The following WDR33 variants were observed in gnomAD, a reference collection of about 807,000 sequenced individuals.
WDR33 encodes the protein WD repeat domain 33.
Under a neutral mutation model 164.9 loss-of-function variants are expected in WDR33, and 47 were observed. That is an observed-to-expected ratio of 0.29 (90% CI 0.23 to 0.36). WDR33 has a LOEUF of 0.36. WDR33 is among the 10% of genes least tolerant of loss of function. WDR33 has a pLI of 1.00. For missense variants in WDR33, 1,137 were observed against 1,754.1 expected (o/e 0.65, Z 6.28); for synonymous variants, 505 against 589.0 (o/e 0.86, Z 2.06).
rs746385566 is a variant in WDR33, at chr2:127,764,794, A to T, written c.626+34T>A. On this transcript the variant is annotated intron_variant, in intron 6 of 21. Transcript: ENST00000322313. This position sits in a 1 kb window ranked among gnomAD's most constrained non-coding sequence, Gnocchi z 6.2. ...TAGAGAATAATTTAACCATGACAAT[A>T]GGGACTACAGAAAATGGTATATTGT... 1.9e-6 allele frequency: 3 copies of T among 1,614,232 alleles called. No individual in the cohort carries two copies. The East Asian group carries it at 6.7e-5, about 36-fold the overall frequency.
At position 127,702,055 on chromosome 2, in the gene WDR33, AGGT is replaced by A. The variant is rs1685905332; in HGVS notation, c.*4265_*4267del. On this transcript the variant is annotated 3_prime_UTR_variant, in exon 22 of 22. Coordinates refer to ENST00000322313, the MANE Select transcript of WDR33 (RefSeq NM_018383.5). ...CTCACGGTGCTGGGCGCGGGCGCGCAGGTGGCCGCGCTGCTGGCCGCGCTGGTT... is the reference window on the plus strand; with the variant it reads ...CTCACGGTGCTGGGCGCGGGCGCGCAGGCCGCGCTGCTGGCCGCGCTGGTT... The A allele has an allele frequency of 1.2e-5, 15 of 1,225,380 alleles. No individual in the cohort carries two copies. The highest frequency in any genetic ancestry group is 1.4e-5 in the Non-Finnish European group (14 of 985,654). The allele number at this position is 1,225,380 out of a possible 1,614,324, so 75.9% of individuals were successfully genotyped here. A position where few individuals can be genotyped will look rare whatever the true frequency, so the allele number is the denominator to read the frequency against.
chr2:127,729,758 G>A (rs1162009941), intron 7 of WDR33, among the ~76,000 whole-genome samples: 1 of 152,198 alleles, frequency 6.6e-6, no homozygotes, highest in Non-Finnish European at 1.5e-5. Context: ...GCCTCCCAAA[G>A]TGTTGGGATT....
At position 127,720,452 on chromosome 2, in the gene WDR33, C is replaced by T. The variant is rs1336855886; in HGVS notation, c.1672-99G>A. On this transcript the variant is annotated intron_variant, in intron 15 of 21. Transcript: ENST00000322313. The surrounding 1 kb of genome is among the most constrained non-coding windows in gnomAD (Gnocchi z 5.9). ...TGTATTCTGTTAGGGGACTCTCAAA[C>T]ATAAAAACTGCTCAAACTCTTCACG... The T allele has an allele frequency of 2.1e-5, 29 of 1,380,566 alleles. No individual in the cohort carries two copies. Among genetic ancestry groups the T allele is most frequent in the Non-Finnish European group, 2.6e-5 (28 of 1,058,030 alleles). 85.5% of individuals were successfully genotyped at this position (1,380,566 alleles called of 1,614,324 possible). A position where few individuals can be genotyped will look rare whatever the true frequency, so the allele number is the denominator to read the frequency against.
In WDR33 at chr2:127,741,491, C is replaced by T. The variant is rs1036887283; in HGVS notation, c.725-14714G>A. Among the ~76,000 whole-genome samples the T allele has an allele frequency of 5.3e-5, 8 of 152,160 alleles. No individual in the cohort carries two copies. The highest frequency in any genetic ancestry group is 1.2e-4 in the African/African-American group (5 of 41,428). ...TTCATTAAACACACACAAACATGCA[C>T]GTGTGTACACATGTACAAGCACACA... On this transcript the variant is annotated intron_variant, in intron 7 of 21. Transcript: ENST00000322313. The surrounding 1 kb of genome is among the most constrained non-coding windows in gnomAD (Gnocchi z 4.1).
At chr2:127,804,234 T>C (rs1165973844) in intron 1 of WDR33, among the ~76,000 whole-genome samples, 1 of 151,990 alleles carries the variant, frequency 6.6e-6, no homozygotes, top group Non-Finnish European at 1.5e-5. Flanking sequence ...GGCAGGAGAA[T>C]GGCGTGAACC....
At chr2:127,759,410 G>A (rs1034525861) in intron 7 of WDR33, among the ~76,000 whole-genome samples, 38 of 152,120 alleles carry the variant, frequency 2.5e-4, no homozygotes, top group African/African-American at 8.7e-4. Flanking sequence ...GCAACTACAG[G>A]CCAGGCACGG....
Position 127,725,213 on chromosome 2 carries a change from T to C in WDR33, c.854A>G (p.His285Arg). Residue 285 changes from histidine (H) to arginine (R), a missense_variant and splice_region_variant, in exon 9 of 22, where the codon CAT (histidine) becomes CGT (arginine). By Grantham distance (29) the His-to-Arg change is conservative (BLOSUM62 0). Around this residue, in one of 9 missense-constraint regions of WDR33, gnomAD observed 83 missense variants for 189.2 expected, o/e 0.44. Transcript: ENST00000322313. The stretch of plus-strand genomic sequence containing the variant: ...TTCCATTACTGTGTTTTTATGGGCA[T>C]GACTAGAAACAAAGTATCAAAAAAA... ...PKTGQSLATL[H>R]AHKNTVMEVK... The C allele has an allele frequency of 6.3e-7, 1 of 1,592,276 alleles. No individual in the cohort carries two copies. Among genetic ancestry groups the C allele is most frequent in the Non-Finnish European group, 8.5e-7 (1 of 1,174,424 alleles).
intron 1 of WDR33, among the ~76,000 whole-genome samples, chr2:127,807,285 T>A (rs1337766022): frequency 6.6e-6 from 1 of 152,146 alleles, no homozygotes; most frequent in African/African-American, 2.4e-5. Flanking sequence ...GGATTACAGA[T>A]GTGAGCCACT....
chr2:127,790,456 G>C (rs780798866), intron 1 of WDR33, among the ~76,000 whole-genome samples: 13 of 152,106 alleles, frequency 8.5e-5, no homozygotes, highest in Non-Finnish European at 1.8e-4. Context: ...AAAATGATTT[G>C]AGAGGTATGC....
chr2:127,722,395 G>T lies in WDR33; in HGVS notation c.1518+196C>A, dbSNP rs998220302. ...GCATGGATGATAATAAGCAGGTGAG[G>T]ACAGAACAGAGAAGACTGATAACAA... On this transcript the variant is annotated intron_variant, in intron 14 of 21. Transcript: ENST00000322313. The surrounding 1 kb of genome is among the most constrained non-coding windows in gnomAD (Gnocchi z 5.1). Among the ~76,000 whole-genome samples, 1 of 152,160 alleles carries T rather than the reference G, an allele frequency of 6.6e-6. No homozygotes were observed. Among genetic ancestry groups the T allele is most frequent in the Admixed American group, 6.5e-5 (1 of 15,274 alleles).
intron 1 of WDR33, among the ~76,000 whole-genome samples, chr2:127,809,892 C>CA (rs1218375454): frequency 2.0e-5 from 3 of 151,516 alleles, no homozygotes; most frequent in Admixed American, 6.6e-5. Context: ...GTCAAGGAGA[C>CA]AAAAAAAGCA....
chr2:127,705,825 C>T lies in WDR33; in HGVS notation c.*498G>A, dbSNP rs527877158. 2 of 153,564 alleles carry T rather than the reference C, an allele frequency of 1.3e-5. No homozygotes were observed. Among genetic ancestry groups the T allele is most frequent in the South Asian group, 2.1e-4 (1 of 4,838 alleles). The allele number at this position is 153,564 out of a possible 1,614,324, so 9.5% of individuals were successfully genotyped here. ...TAGATAACCTAGTGGTTAATATGCTCATGAACATCAGCAACAACCGTGCAT... is the reference window on the plus strand; with the variant it reads ...TAGATAACCTAGTGGTTAATATGCTTATGAACATCAGCAACAACCGTGCAT... On this transcript the variant is annotated 3_prime_UTR_variant, in exon 22 of 22. Coordinates refer to ENST00000322313, the MANE Select transcript of WDR33 (RefSeq NM_018383.5). This position sits in a 1 kb window ranked among gnomAD's most constrained non-coding sequence, Gnocchi z 4.5.
rs774631304 is a variant in WDR33 at position 127,763,040 on chromosome 2, T to C, written c.724+22A>G. 6.2e-6 allele frequency: 10 copies of C among 1,613,912 alleles called. No homozygotes were observed. In the South Asian group the frequency reaches 8.8e-5, roughly 14 times the overall value. Reference sequence around the variant, plus strand: ...TGTCTTCCCTATTTAAATATTCCAATCAGTACTGTTAGTACACGTACCTCG... The same window carrying C: ...TGTCTTCCCTATTTAAATATTCCAACCAGTACTGTTAGTACACGTACCTCG... On this transcript the variant is annotated intron_variant, in intron 7 of 21. Transcript: ENST00000322313. This position sits in a 1 kb window ranked among gnomAD's most constrained non-coding sequence, Gnocchi z 4.5.
At position 127,720,275 on chromosome 2, in the gene WDR33, C is replaced by G; in HGVS notation, c.1750G>C (p.Gly584Arg). The G allele has an allele frequency of 6.5e-7, 1 of 1,535,548 alleles. No homozygotes were observed. The highest frequency in any genetic ancestry group is 8.8e-7 in the Non-Finnish European group (1 of 1,141,486). ...CCTTGTCCTGGAAAAGGCTGGGGTC[C>G]GAGGAGAGGGGTGCCAGATGAGGGA... ...PPPSSGTPLL[G>R]PQPFPGQGPM... Residue 584 changes from glycine (G) to arginine (R), a missense_variant, in exon 16 of 22, where the codon GGA becomes CGA. By Grantham distance (125) the Gly-to-Arg change is moderately radical (BLOSUM62 -2). Transcript: ENST00000322313. This position sits in a 1 kb window ranked among gnomAD's most constrained non-coding sequence, Gnocchi z 5.9.
chr2:127,789,858 CA>C (rs1245791438), intron 1 of WDR33, among the ~76,000 whole-genome samples: 1 of 151,952 alleles, frequency 6.6e-6, no homozygotes, highest in African/African-American at 2.4e-5. Flanking sequence ...TTTTTTGAGA[CA>C]GGGTCTCACT....
chr2:127,744,234 G>A (rs1687105548), intron 7 of WDR33, among the ~76,000 whole-genome samples: 1 of 152,126 alleles, frequency 6.6e-6, no homozygotes, highest in Admixed American at 6.6e-5. Flanking sequence ...GCTCCATTGA[G>A]TTTATTCTTA....
Position 127,721,945 on chromosome 2 carries a change from A to C in WDR33, c.1562T>G (p.Val521Gly), listed in dbSNP as rs748740692. 1.2e-6 allele frequency: 2 copies of C among 1,613,462 alleles called. No homozygotes were observed. The highest frequency in any genetic ancestry group is 2.2e-5 in the East Asian group (1 of 44,866). ...NKVPIPAPNE[V>G]LNDRKEDIKL... The stretch of plus-strand genomic sequence containing the variant: ...AATGTCTTCTTTTCTGTCATTCAGC[A>C]CCTCATTTGGAGCAGGAATTGGAAC... Residue 521 changes from valine to glycine, a missense_variant, in exon 15 of 22, where the codon GTG becomes GGG. Physicochemically the swap from Val to Gly is moderately radical, Grantham distance 109 (BLOSUM62 -3). Around this residue, in one of 9 missense-constraint regions of WDR33, gnomAD observed 75 missense variants for 124.7 expected, o/e 0.60. Transcript: ENST00000322313. This position sits in a 1 kb window ranked among gnomAD's most constrained non-coding sequence, Gnocchi z 4.9.
At position 127,710,059 on chromosome 2, in the gene WDR33, C is replaced by T. The variant is rs1255378172; in HGVS notation, c.3309-203G>A. Among the ~76,000 whole-genome samples, 2 of 152,218 alleles carry T rather than the reference C, an allele frequency of 1.3e-5. No individual in the cohort carries two copies. Among genetic ancestry groups the T allele is most frequent in the Non-Finnish European group, 2.9e-5 (2 of 68,038 alleles). On this transcript the variant is annotated intron_variant, in intron 18 of 21. Transcript: ENST00000322313. This position sits in a 1 kb window ranked among gnomAD's most constrained non-coding sequence, Gnocchi z 4.4. Reference sequence around the variant, plus strand: ...GGCAAAAACAGACCAGAAGGAAACACACCAGAGTGTGGAGTTACTTTAAGC... The same window carrying T: ...GGCAAAAACAGACCAGAAGGAAACATACCAGAGTGTGGAGTTACTTTAAGC...
chr2:127,730,885 G>A (rs1241242491), intron 7 of WDR33, among the ~76,000 whole-genome samples: 1 of 151,772 alleles, frequency 6.6e-6, no homozygotes, highest in African/African-American at 2.4e-5. Context: ...TTGTGTGTGT[G>A]TGAACTCTCG....
Sources: allele counts gnomAD v4.1 joint callset (sites outside exome capture counted in the v4.1 genomes callset), GRCh38; gene constraint gnomAD v4.1.1; regional missense constraint gnomAD v4.1.1; non-coding constraint Gnocchi (gnomAD v3.1); transcripts MANE v1.5; gene names NCBI Gene and HGNC (gene_info 2026-07-23, HGNC 2026-07-21).